Variants in CSMD1 observed in about 807,000 individuals in gnomAD.
The protein encoded by CSMD1 is CUB and sushi domain-containing protein 1.
CSMD1 carries 213 observed loss-of-function variants against 417.5 expected under a neutral mutation model. That is an observed-to-expected ratio of 0.51 (90% CI 0.46 to 0.57). CSMD1 has a LOEUF of 0.57. Among genes scored for constraint, CSMD1 ranks in the 20% least tolerant of loss-of-function variants. CSMD1 has a pLI of 0.00. For synonymous variants in CSMD1, 2,862 were observed against 1,736.8 expected (o/e 1.65, Z -16.11); for missense variants, 6,923 against 4,529.7 (o/e 1.53, Z -15.17).
At chr8:4,623,743 A>G (rs924469714) in intron 2 of CSMD1, among the ~76,000 whole-genome samples, 6 of 152,074 alleles carry the variant, frequency 3.9e-5, no homozygotes, top group African/African-American at 9.7e-5. Flanking sequence ...GTGTGTGTGT[A>G]TATATATATT....
chr8:4,608,490 T>C lies in CSMD1; in HGVS notation c.302+28852A>G, dbSNP rs575454813. Among the ~76,000 whole-genome samples, 15 of 152,306 alleles carry C rather than the reference T, an allele frequency of 9.8e-5. 1 individual carries two copies. In the South Asian group the frequency reaches 2.5e-3, roughly 25 times the overall value. ...GAGAGACAGAGTGTCAAGAAACTGA[T>C]GTATTATTTGGAGTGTTTAAATGTG... On this transcript the variant is annotated intron_variant, in intron 2 of 69. Transcript: ENST00000635120.
At chr8:4,167,871 T>C (rs1259327031) in intron 3 of CSMD1, among the ~76,000 whole-genome samples, 1 of 152,088 alleles carries the variant, frequency 6.6e-6, no homozygotes, top group African/African-American at 2.4e-5. Context: ...CTTAGGCCTG[T>C]AATCTCAGCA....
chr8:3,167,832 A>G (rs1001992218), intron 37 of CSMD1, among the ~76,000 whole-genome samples: 1 of 152,212 alleles, frequency 6.6e-6, no homozygotes, highest in Non-Finnish European at 1.5e-5. Context: ...AATTTATTGT[A>G]GCCATTTTTC....
intron 3 of CSMD1, among the ~76,000 whole-genome samples, chr8:4,419,057 C>T (rs11783587): frequency 0.16 from 23,722 of 152,170 alleles, 2,361 homozygotes; most frequent in Middle Eastern, 0.22. Context: ...CCACAAAATA[C>T]GATTTTTGCC....
chr8:3,929,986 A>T lies in CSMD1; in HGVS notation c.818+67917T>A, dbSNP rs536141236. Reference sequence around the variant, plus strand: ...ACAGCCTATATGATTAAATTTTTAAAAACTATTTTATTGTTAATGCAAGGT... The same window carrying T: ...ACAGCCTATATGATTAAATTTTTAATAACTATTTTATTGTTAATGCAAGGT... On this transcript the variant is annotated intron_variant, in intron 5 of 69. Transcript: ENST00000635120. Among the ~76,000 whole-genome samples, 201 of 150,460 alleles carry T rather than the reference A, an allele frequency of 1.3e-3. 9 individuals are homozygous for T. The highest frequency in any genetic ancestry group is 1.6e-3 in the Non-Finnish European group (106 of 67,502).
At chr8:3,373,906 T>A (rs1408610328) in intron 18 of CSMD1, among the ~76,000 whole-genome samples, 1 of 151,966 alleles carries the variant, frequency 6.6e-6, no homozygotes, top group Non-Finnish European at 1.5e-5. Flanking sequence ...AGAGGAGACA[T>A]ACGTTGTGAT....
intron 2 of CSMD1, among the ~76,000 whole-genome samples, chr8:4,481,332 G>C (rs946266822): frequency 3.3e-5 from 5 of 152,282 alleles, no homozygotes; most frequent in East Asian, 3.9e-4. Context: ...ATGCATTAAA[G>C]TCTATAGCTT....
chr8:4,187,695 G>A (rs1177993938), intron 3 of CSMD1, among the ~76,000 whole-genome samples: 64 of 42,070 alleles, frequency 1.5e-3, no homozygotes, highest in Admixed American at 2.2e-3. Flanking sequence ...AAAAAAAAAA[G>A]CATTCAGGAA....
intron 3 of CSMD1, among the ~76,000 whole-genome samples, chr8:4,088,669 C>T (rs1800550247): frequency 6.6e-6 from 1 of 152,122 alleles, no homozygotes; most frequent in Admixed American, 6.5e-5. Flanking sequence ...ATGTTTTCAC[C>T]TTCAGCTCAT....
intron 12 of CSMD1, among the ~76,000 whole-genome samples, chr8:3,456,869 CT>C (rs1159191662): frequency 1.3e-5 from 2 of 152,240 alleles, no homozygotes; most frequent in South Asian, 2.1e-4. Context: ...GGTCTCTTGG[CT>C]AAGCTCTAGC....
intron 1 of CSMD1, among the ~76,000 whole-genome samples, chr8:4,776,931 G>C (rs1026646394): frequency 3.3e-5 from 5 of 152,254 alleles, no homozygotes; most frequent in Middle Eastern, 3.4e-3. Context: ...TAAGATTAAA[G>C]GCACTGGTGT....
intron 23 of CSMD1, among the ~76,000 whole-genome samples, chr8:3,324,612 AC>A (rs1236034493): frequency 6.9e-6 from 1 of 144,410 alleles, no homozygotes; most frequent in African/African-American, 2.6e-5. Flanking sequence ...CCTTCCCCCC[AC>A]CTTTCATCAT....
intron 3 of CSMD1, among the ~76,000 whole-genome samples, chr8:4,247,253 T>G (rs756319096): frequency 3.3e-5 from 5 of 152,180 alleles, no homozygotes; most frequent in Non-Finnish European, 7.3e-5. Context: ...AACTATTGAG[T>G]ACAATGACCA....
Position 3,281,852 on chromosome 8 carries a change from G to A in CSMD1, c.4153+2292C>T, listed in dbSNP as rs140583212. Among the ~76,000 whole-genome samples the A allele has an allele frequency of 2.5e-3, 378 of 152,248 alleles. 1 individual carries two copies. The highest frequency in any genetic ancestry group is 8.8e-3 in the African/African-American group (367 of 41,538). The stretch of plus-strand genomic sequence containing the variant: ...GAGGTAGTGCCTGGAGGGGTTGATT[G>A]GATCATGGGGGTAGTTTCTAATGGT... On this transcript the variant is annotated intron_variant, in intron 26 of 69. Transcript: ENST00000635120.
intron 1 of CSMD1, among the ~76,000 whole-genome samples, chr8:4,874,529 A>G (rs1402231347): frequency 6.6e-6 from 1 of 151,234 alleles, no homozygotes; most frequent in Non-Finnish European, 1.5e-5. Flanking sequence ...AGCTGGGATT[A>G]CGGGTGCCTG....
chr8:3,634,638 C>T lies in CSMD1; in HGVS notation c.1010-17841G>A, dbSNP rs186523598. ...CAGCCTTCTATCAAATTACTTAACT[C>T]GAGAGTGGTACTGGGGACACCTCAA... On this transcript the variant is annotated intron_variant, in intron 7 of 69. Transcript: ENST00000635120. 7.9e-5 allele frequency among the ~76,000 whole-genome samples: 12 copies of T among 152,174 alleles called. No homozygotes were observed. In the East Asian group the frequency reaches 9.7e-4, roughly 12 times the overall value.
At chr8:3,625,933 T>C (rs1176887053) in intron 7 of CSMD1, among the ~76,000 whole-genome samples, 1 of 152,144 alleles carries the variant, frequency 6.6e-6, no homozygotes, top group Non-Finnish European at 1.5e-5. Context: ...AAAGAGAAAA[T>C]GTTTTCCTTA....
chr8:4,912,358 G>C (rs554642559), intron 1 of CSMD1, among the ~76,000 whole-genome samples: 3 of 27,850 alleles, frequency 1.1e-4, no homozygotes, highest in African/African-American at 2.7e-4. Context: ...ATCATTTTCT[G>C]CTTTTTTTTT....
chr8:4,718,163 G>T (rs765587040), intron 1 of CSMD1, among the ~76,000 whole-genome samples: 2 of 152,156 alleles, frequency 1.3e-5, no homozygotes, highest in African/African-American at 4.8e-5. Flanking sequence ...TTTTTGTACA[G>T]ACAGGGTCTA....
Sources: allele counts gnomAD v4.1 joint callset (sites outside exome capture counted in the v4.1 genomes callset), GRCh38; gene constraint gnomAD v4.1.1; transcripts MANE v1.5; gene names NCBI Gene and HGNC (gene_info 2026-07-23, HGNC 2026-07-21).